Variants in DPY19L2 observed in about 807,000 individuals in gnomAD.
DPY19L2 encodes the protein dpy-19 like 2, also known as probable C-mannosyltransferase DPY19L2.
DPY19L2 carries 34 observed loss-of-function variants against 97.9 expected under a neutral mutation model. That is an observed-to-expected ratio of 0.35 (90% CI 0.26 to 0.46). The LOEUF is 0.46. DPY19L2 is among the 20% of genes least tolerant of loss of function. The pLI is 1.00. For synonymous variants in DPY19L2, 230 were observed against 307.9 expected (o/e 0.75, Z 2.65); for missense variants, 623 against 911.4 (o/e 0.68, Z 4.07).
At chr12:63,563,098 T>C (rs975525490) in intron 21 of DPY19L2, among the ~76,000 whole-genome samples, 16 of 121,470 alleles carry the variant, frequency 1.3e-4, no homozygotes, top group Non-Finnish European at 2.6e-4. Context: ...ACTGCGCCTA[T>C]TTTGTCCATT....
chr12:63,599,633 T>C (rs1884815978), intron 13 of DPY19L2, among the ~76,000 whole-genome samples: 1 of 152,132 alleles, frequency 6.6e-6, no homozygotes. Context: ...GATATACTCA[T>C]GTATGCTTAT....
chr12:63,565,933 CAT>C lies in DPY19L2; in HGVS notation c.2126+3289_2126+3290del, dbSNP rs1189887226. ...TACTGAACTATTTTGCATTATAAAA[CAT>C]AGTCATTTCTAGTAATATTCTTTGT... On this transcript the variant is annotated intron_variant, in intron 21 of 21. Transcript: ENST00000324472. 1.0e-3 allele frequency among the ~76,000 whole-genome samples: 154 copies of C among 152,226 alleles called. 1 individual carries two copies. The highest frequency in any genetic ancestry group is 3.6e-3 in the African/African-American group (151 of 41,540).
At chr12:63,587,162 AG>A (rs1408978013) in intron 16 of DPY19L2, among the ~76,000 whole-genome samples, 2 of 152,154 alleles carry the variant, frequency 1.3e-5, no homozygotes, top group East Asian at 3.8e-4. Flanking sequence ...AAAAATTTAC[AG>A]CAAAAAACCA....
At chr12:63,600,516 G>T (rs575132691) in intron 12 of DPY19L2, 130 bp from the exon 13 acceptor site, 57 of 614,846 alleles carry the variant, frequency 9.3e-5, no homozygotes, top group Admixed American at 1.3e-4. Context: ...TTTAAAAAAA[G>T]TTCCTTTAGA....
At chr12:63,626,613 T>G in intron 6 of DPY19L2, 87 bp from the exon 7 acceptor site, 1 of 1,480,786 alleles carries the variant, frequency 6.8e-7, no homozygotes. Context: ...CCTCAGAATT[T>G]AAAATCACAG....
intron 13 of DPY19L2, among the ~76,000 whole-genome samples, chr12:63,598,121 T>C (rs1445754909): frequency 6.6e-6 from 1 of 151,354 alleles, no homozygotes; most frequent in Non-Finnish European, 1.5e-5. Context: ...AGAAATATCA[T>C]GAAAAATGAA....
intron 11 of DPY19L2, among the ~76,000 whole-genome samples, chr12:63,613,450 G>A (rs1887341278): frequency 1.3e-5 from 2 of 152,072 alleles, no homozygotes; most frequent in East Asian, 1.9e-4. Flanking sequence ...TGAACAGAAG[G>A]GAACTTCTTT....
At chr12:63,652,639 T>TA (rs1894422804) in intron 4 of DPY19L2, among the ~76,000 whole-genome samples, 1 of 152,150 alleles carries the variant, frequency 6.6e-6, no homozygotes, top group South Asian at 2.1e-4. Context: ...TGAAAGGAGT[T>TA]AGAGGCCAGT....
chr12:63,575,013 TCTC>T (rs1036967982), intron 19 of DPY19L2, among the ~76,000 whole-genome samples: 3 of 151,898 alleles, frequency 2.0e-5, no homozygotes, highest in African/African-American at 7.2e-5. Context: ...TACACATCCT[TCTC>T]CTCAGCACAT....
chr12:63,590,190 A>G (rs1882657612), intron 16 of DPY19L2, among the ~76,000 whole-genome samples: 3 of 152,168 alleles, frequency 2.0e-5, no homozygotes, highest in Admixed American at 2.0e-4. Context: ...AAAGAAACAT[A>G]GTAAACAAAC....
At chr12:63,585,798 A>G (rs1881694237) in intron 16 of DPY19L2, among the ~76,000 whole-genome samples, 1 of 152,318 alleles carries the variant, frequency 6.6e-6, no homozygotes, top group African/African-American at 2.4e-5. Context: ...GAAACAGCCA[A>G]TGCAAATGAA....
intron 12 of DPY19L2, among the ~76,000 whole-genome samples, chr12:63,606,717 C>T (rs956934899): frequency 1.3e-5 from 2 of 152,092 alleles, no homozygotes; most frequent in Non-Finnish European, 2.9e-5. Context: ...TATCCTTTCT[C>T]ATACTATCCT....
At chr12:63,612,450 C>A (rs1202405517) in intron 11 of DPY19L2, among the ~76,000 whole-genome samples, 1 of 151,340 alleles carries the variant, frequency 6.6e-6, no homozygotes, top group African/African-American at 2.4e-5. Flanking sequence ...AAATGTATGA[C>A]AATAACATGA....
At chr12:63,622,702 G>A (rs972093992) in intron 8 of DPY19L2, among the ~76,000 whole-genome samples, 1 of 152,112 alleles carries the variant, frequency 6.6e-6, no homozygotes, top group Non-Finnish European at 1.5e-5. Context: ...GAAGCAGGCA[G>A]ATCACTTGAG....
At chr12:63,594,950 G>T (rs1883954587) in intron 15 of DPY19L2, among the ~76,000 whole-genome samples, 1 of 152,112 alleles carries the variant, frequency 6.6e-6, no homozygotes, top group African/African-American at 2.4e-5. Flanking sequence ...TGGGCCGAAA[G>T]GATGCAGGGC....
intron 4 of DPY19L2, among the ~76,000 whole-genome samples, chr12:63,656,643 CTCA>C (rs1393297760): frequency 6.6e-6 from 1 of 151,836 alleles, no homozygotes; most frequent in Non-Finnish European, 1.5e-5. Flanking sequence ...TTTATTCTTC[CTCA>C]TCCTTTCCTC....
At chr12:63,591,777 AC>A (rs1384977531) in intron 16 of DPY19L2, among the ~76,000 whole-genome samples, 15 of 151,030 alleles carry the variant, frequency 9.9e-5, no homozygotes, top group Non-Finnish European at 1.8e-4. Flanking sequence ...CCCCCTCTCT[AC>A]AAAAAAATAC....
intron 21 of DPY19L2, among the ~76,000 whole-genome samples, chr12:63,567,683 C>T (rs1402393580): frequency 2.0e-5 from 3 of 151,958 alleles, no homozygotes; most frequent in African/African-American, 7.2e-5. Flanking sequence ...ACTTCTTGTC[C>T]ATCTTGAAGT....
intron 16 of DPY19L2, among the ~76,000 whole-genome samples, chr12:63,586,839 A>T (rs1245390478): frequency 4.6e-5 from 7 of 152,204 alleles, no homozygotes; most frequent in Non-Finnish European, 7.3e-5. Flanking sequence ...CAGGAAATAC[A>T]GAAATGGGAT....
Sources: allele counts gnomAD v4.1 joint callset (sites outside exome capture counted in the v4.1 genomes callset), GRCh38; gene constraint gnomAD v4.1.1; transcripts MANE v1.5; gene names NCBI Gene and HGNC (gene_info 2026-07-23, HGNC 2026-07-21).